Variants in KIF6 observed in about 807,000 individuals in gnomAD.
The protein encoded by KIF6 is kinesin family member 6.
Under a neutral mutation model 112.7 loss-of-function variants are expected in KIF6, and 106 were observed. The ratio of observed to expected loss-of-function variants is 0.94; its 90% CI spans 0.80 to 1.11. The LOEUF is 1.11. Among genes scored for constraint, KIF6 ranks in the 50% least tolerant of loss-of-function variants. KIF6 has a pLI of 0.00. For synonymous variants in KIF6, 339 were observed against 339.9 expected, an observed-to-expected ratio of 1.00 and a Z score of 0.03; for missense variants, 929 against 964.0, an observed-to-expected ratio of 0.96 and a Z score of 0.48.
intron 10 of KIF6, among the ~76,000 whole-genome samples, chr6:39,567,919 G>A (rs894932588): frequency 1.3e-5 from 2 of 152,214 alleles, no homozygotes; most frequent in Non-Finnish European, 2.9e-5. Context: ...GGACACAGAA[G>A]TGATTTCTAT....
chr6:39,601,027 T>TCC (rs1281730622), intron 6 of KIF6, among the ~76,000 whole-genome samples: 3 of 152,180 alleles, frequency 2.0e-5, no homozygotes, highest in African/African-American at 7.2e-5. Context: ...CATATTAACG[T>TCC]CGCTGTTGAT....
chr6:39,460,533 A>T (rs1222819826), intron 13 of KIF6, among the ~76,000 whole-genome samples: 1 of 141,858 alleles, frequency 7.0e-6, no homozygotes, highest in African/African-American at 2.6e-5. Context: ...ATAAAAAAAA[A>T]AGTAAAAAAA....
chr6:39,478,662 A>G (rs1289310454), intron 13 of KIF6, among the ~76,000 whole-genome samples: 1 of 150,618 alleles, frequency 6.6e-6, no homozygotes, highest in Non-Finnish European at 1.5e-5. Context: ...CTAGCAGTGT[A>G]AAAGTGTTTC....
At chr6:39,659,855 T>C (rs994464066) in intron 3 of KIF6, among the ~76,000 whole-genome samples, 9 of 152,236 alleles carry the variant, frequency 5.9e-5, no homozygotes, top group African/African-American at 1.9e-4. Context: ...CATCAAGTCA[T>C]GGTTGATCAG....
In KIF6 at chr6:39,708,145, G is replaced by C. The variant is rs369605724; in HGVS notation, c.251+6547C>G. On this transcript the variant is annotated intron_variant, in intron 3 of 22. Transcript: ENST00000287152. Reference sequence around the variant, plus strand: ...TTATCAGCAAAGCCTGTTTCCTAAAGAGCAACAGGCAAAAGTCCTGCTGGG... The same window carrying C: ...TTATCAGCAAAGCCTGTTTCCTAAACAGCAACAGGCAAAAGTCCTGCTGGG... Among the ~76,000 whole-genome samples, 13 of 152,288 alleles carry C rather than the reference G, an allele frequency of 8.5e-5. No homozygotes were observed. The South Asian group carries it at 2.5e-3, about 29-fold the overall frequency.
intron 13 of KIF6, among the ~76,000 whole-genome samples, chr6:39,495,651 A>T (rs1775740815): frequency 6.6e-6 from 1 of 152,194 alleles, no homozygotes; most frequent in Non-Finnish European, 1.5e-5. Context: ...AAACAAAACA[A>T]ATAGTTGTAT....
chr6:39,569,410 TGA>T (rs1780523072), intron 10 of KIF6, among the ~76,000 whole-genome samples: 1 of 152,224 alleles, frequency 6.6e-6, no homozygotes. Flanking sequence ...TCAAATTATA[TGA>T]GATGGTTTTG....
intron 10 of KIF6, among the ~76,000 whole-genome samples, chr6:39,552,315 G>A (rs779177225): frequency 2.6e-5 from 4 of 152,050 alleles, no homozygotes; most frequent in African/African-American, 7.2e-5. Context: ...CTTTATACCC[G>A]CCTTGTCCCA....
At chr6:39,691,359 A>G (rs1788199116) in intron 3 of KIF6, 1 of 152,232 alleles carries the variant, frequency 6.6e-6, no homozygotes. Flanking sequence ...GTGGAGTTAA[A>G]TTAAGAGCCT....
At chr6:39,639,019 G>C (rs1784770217) in intron 4 of KIF6, among the ~76,000 whole-genome samples, 1 of 152,008 alleles carries the variant, frequency 6.6e-6, no homozygotes, top group Admixed American at 6.6e-5. Context: ...TTTAACCTGA[G>C]GCTCAGTATT....
chr6:39,457,283 C>T (rs567031847), intron 13 of KIF6, among the ~76,000 whole-genome samples: 1,901 of 148,922 alleles, frequency 0.013, 46 homozygotes, highest in African/African-American at 0.043. Context: ...GGGTACATAA[C>T]GAAATGAAGG....
chr6:39,356,419 C>A (rs1039187588), intron 19 of KIF6, among the ~76,000 whole-genome samples: 2 of 152,108 alleles, frequency 1.3e-5, no homozygotes, highest in Non-Finnish European at 2.9e-5. Context: ...GCGTGTGCCA[C>A]CGCACCTGGC....
intron 19 of KIF6, chr6:39,354,127 G>T: frequency 5.7e-6 from 2 of 353,192 alleles, no homozygotes; most frequent in East Asian, 8.3e-5. Context: ...ATCTGGGATG[G>T]AAGGCATGGC....
chr6:39,489,859 G>C (rs1775364431), intron 13 of KIF6, among the ~76,000 whole-genome samples: 1 of 152,140 alleles, frequency 6.6e-6, no homozygotes, highest in Admixed American at 6.5e-5. Flanking sequence ...ATTCTCCAGG[G>C]AATGACAGAG....
At chr6:39,414,298 C>G (rs1769737339) in intron 15 of KIF6, among the ~76,000 whole-genome samples, 1 of 152,116 alleles carries the variant, frequency 6.6e-6, no homozygotes, top group African/African-American at 2.4e-5. Flanking sequence ...TACGTTTATG[C>G]TTTGAATTCT....
chr6:39,415,055 G>A (rs1769802211), intron 15 of KIF6, among the ~76,000 whole-genome samples: 1 of 151,978 alleles, frequency 6.6e-6, no homozygotes, highest in African/African-American at 2.4e-5. Context: ...AGGTGTGGTG[G>A]TGGGCGCCTA....
intron 13 of KIF6, among the ~76,000 whole-genome samples, chr6:39,536,277 C>G (rs1356314413): frequency 6.6e-6 from 1 of 150,986 alleles, no homozygotes; most frequent in East Asian, 2.1e-4. Flanking sequence ...AATCCAGGAG[C>G]TGGTTTTTTT....
chr6:39,461,302 GTTC>G (rs910404377), intron 13 of KIF6, among the ~76,000 whole-genome samples: 8 of 152,214 alleles, frequency 5.3e-5, no homozygotes, highest in Admixed American at 6.5e-5. Context: ...GAGGAGAAGT[GTTC>G]TTCATCAGCA....
intron 4 of KIF6, among the ~76,000 whole-genome samples, chr6:39,635,737 T>G (rs2150760339): frequency 6.6e-6 from 1 of 152,168 alleles, no homozygotes; most frequent in East Asian, 1.9e-4. Context: ...AATGACCCAT[T>G]CCCTCTGAGG....
Sources: allele counts gnomAD v4.1 joint callset (sites outside exome capture counted in the v4.1 genomes callset), GRCh38; gene constraint gnomAD v4.1.1; transcripts MANE v1.5; gene names NCBI Gene and HGNC (gene_info 2026-07-23, HGNC 2026-07-21).